ERCC8: variants seen among roughly 807,000 people sequenced by gnomAD.
ERCC8 encodes DNA excision repair protein ERCC-8.
ERCC8 carries 52 observed loss-of-function variants against 54.9 expected under a neutral mutation model. The ratio of observed to expected loss-of-function variants is 0.95; its 90% CI spans 0.76 to 1.19. The LOEUF is 1.19. Ranked by LOEUF, ERCC8 falls within the 50% of genes most tolerant of loss-of-function variation. ERCC8 has a pLI of 0.00. For synonymous variants in ERCC8, 146 were observed against 157.2 expected (o/e 0.93, Z 0.53); for missense variants, 514 against 466.1 (o/e 1.10, Z -0.95).
At chr5:60,901,110 C>A (rs1382327649) in intron 7 of ERCC8, among the ~76,000 whole-genome samples, 1 of 151,350 alleles carries the variant, frequency 6.6e-6, no homozygotes, top group Non-Finnish European at 1.5e-5. Flanking sequence ...GAATAGCTTT[C>A]GTAATAATTC....
chr5:60,933,146 T>G (rs1749958426), intron 1 of ERCC8, among the ~76,000 whole-genome samples: 1 of 152,012 alleles, frequency 6.6e-6, no homozygotes, highest in Admixed American at 6.5e-5. Flanking sequence ...TGTTTTAATG[T>G]TTTAAATGGC....
intron 1 of ERCC8, among the ~76,000 whole-genome samples, chr5:60,939,532 C>T (rs1033550428): frequency 7.9e-5 from 12 of 152,006 alleles, no homozygotes; most frequent in Non-Finnish European, 7.4e-5. Flanking sequence ...GAGTCTCGCT[C>T]TGTCACCCAG....
rs1396045489 is a variant in ERCC8 at position 60,870,828 on chromosome 5, C to T, written c.*3787G>A. 6.6e-6 allele frequency among the ~76,000 whole-genome samples: 1 copy of T among 151,850 alleles called. No individual in the cohort carries two copies. The highest frequency in any genetic ancestry group is 1.5e-5 in the Non-Finnish European group (1 of 67,974). ...GTTTGGACCTTCATTGAAAGAGCTC[C>T]CAAGAAGTCTAAGAAGTGACGGAAG... On this transcript the variant is annotated 3_prime_UTR_variant, in exon 12 of 12. Coordinates refer to ENST00000676185, the MANE Select transcript of ERCC8 (RefSeq NM_000082.4).
At position 60,890,960 on chromosome 5, in the gene ERCC8, C is replaced by G. The variant is rs771365290; in HGVS notation, c.970G>C (p.Gly324Arg). The G allele has an allele frequency of 6.2e-7, 1 of 1,613,480 alleles. No individual in the cohort carries two copies. The highest frequency in any genetic ancestry group is 8.5e-7 in the Non-Finnish European group (1 of 1,179,604). ...STIAVYTVYS[G>R]EQITMLKGHY... ...CCCTTAAGCATAGTTATCTGTTCTCCTGAGTAAACTGTATAAACAGCAATG... is the reference window on the plus strand; with the variant it reads ...CCCTTAAGCATAGTTATCTGTTCTCGTGAGTAAACTGTATAAACAGCAATG... The change falls in exon 10 of 12, where the codon GGA becomes CGA. Residue 324 changes from glycine to arginine, a missense_variant. By Grantham distance (125) the Gly-to-Arg change is moderately radical (BLOSUM62 -2). Transcript: ENST00000676185.
chr5:60,916,116 G>A (rs987473911), intron 4 of ERCC8, among the ~76,000 whole-genome samples: 3 of 151,888 alleles, frequency 2.0e-5, no homozygotes, highest in Non-Finnish European at 4.4e-5. Flanking sequence ...CTATGGTCTC[G>A]CATAGCTTGG....
Position 60,869,276 on chromosome 5 carries a change from TGA to T in ERCC8, c.*5337_*5338del, listed in dbSNP as rs982041178. Among the ~76,000 whole-genome samples, 107 of 152,312 alleles carry T rather than the reference TGA, an allele frequency of 7.0e-4. No individual in the cohort carries two copies. The highest frequency in any genetic ancestry group is 2.5e-3 in the African/African-American group (102 of 41,578). On this transcript the variant is annotated 3_prime_UTR_variant, in exon 12 of 12. Transcript: ENST00000676185. ...GTAGCCCTTATTTAAGTACCTAATT[TGA>T]GGTTTTCCTTTCCATTGTGAAATAG...
chr5:60,902,009 A>G (rs1748917223), intron 7 of ERCC8, among the ~76,000 whole-genome samples: 1 of 152,014 alleles, frequency 6.6e-6, no homozygotes, highest in Non-Finnish European at 1.5e-5. Context: ...TTGGTTTTTC[A>G]AAGCCTTGGT....
rs1014527159 is a variant in ERCC8 at position 60,868,668 on chromosome 5, A to G, written c.*5947T>C. On this transcript the variant is annotated 3_prime_UTR_variant, in exon 12 of 12. Transcript: ENST00000676185. ...AAGATAGAAAAATTTGTATTATAAT[A>G]AATGATTTGTAATAATTCTAAGCAC... Among the ~76,000 whole-genome samples, 1 of 152,220 alleles carries G rather than the reference A, an allele frequency of 6.6e-6. No homozygotes were observed. The highest frequency in any genetic ancestry group is 1.5e-5 in the Non-Finnish European group (1 of 68,036).
chr5:60,887,964 T>C (rs887430954), intron 10 of ERCC8, among the ~76,000 whole-genome samples: 6 of 152,232 alleles, frequency 3.9e-5, no homozygotes, highest in Admixed American at 3.9e-4. Context: ...CTGGCTGCAA[T>C]TCAACAGAAG....
At chr5:60,876,645 T>G (rs1316759170) in intron 11 of ERCC8, among the ~76,000 whole-genome samples, 1 of 152,242 alleles carries the variant, frequency 6.6e-6, no homozygotes, top group Non-Finnish European at 1.5e-5. Flanking sequence ...GATGAGCATT[T>G]TTTCATGTGT....
At chr5:60,909,090 GT>G (rs1749167938) in intron 4 of ERCC8, among the ~76,000 whole-genome samples, 1 of 151,850 alleles carries the variant, frequency 6.6e-6, no homozygotes, top group African/African-American at 2.4e-5. Flanking sequence ...TTTTTGGAAA[GT>G]TTTGGCTTTA....
chr5:60,919,774 G>T (rs1306523332), intron 3 of ERCC8, among the ~76,000 whole-genome samples: 1 of 151,796 alleles, frequency 6.6e-6, no homozygotes, highest in Non-Finnish European at 1.5e-5. Context: ...AATCAACTTA[G>T]GATCATCACC....
intron 10 of ERCC8, among the ~76,000 whole-genome samples, chr5:60,889,716 A>T (rs1281294580): frequency 1.3e-5 from 2 of 152,238 alleles, no homozygotes; most frequent in African/African-American, 2.4e-5. Flanking sequence ...GTCTCTAAGT[A>T]ACTTTGCAAA....
intron 2 of ERCC8, among the ~76,000 whole-genome samples, chr5:60,925,297 G>A (rs1580033788): frequency 6.6e-6 from 1 of 151,882 alleles, no homozygotes; most frequent in East Asian, 1.9e-4. Flanking sequence ...ATTTTATCGG[G>A]GACATCTTTT....
chr5:60,941,826 TAA>T (rs1750265710), intron 1 of ERCC8, among the ~76,000 whole-genome samples: 1 of 152,126 alleles, frequency 6.6e-6, no homozygotes, highest in African/African-American at 2.4e-5. Flanking sequence ...GCATCAGGAA[TAA>T]AGAGACAGCA....
chr5:60,877,161 G>T (rs1188385461), intron 11 of ERCC8, among the ~76,000 whole-genome samples: 1 of 152,084 alleles, frequency 6.6e-6, no homozygotes, highest in Non-Finnish European at 1.5e-5. Flanking sequence ...TCTTGTTTTT[G>T]TCAAGTTTGT....
chr5:60,941,690 A>T (rs532651234), intron 1 of ERCC8, among the ~76,000 whole-genome samples: 1 of 152,190 alleles, frequency 6.6e-6, no homozygotes, highest in Non-Finnish European at 1.5e-5. Context: ...ATGATAAATT[A>T]CCTATAGGAA....
rs757535592 is a variant in ERCC8, at chr5:60,945,030, G to C, written c.-22C>G. On this transcript the variant is annotated 5_prime_UTR_variant, in exon 1 of 12. Coordinates refer to ENST00000676185, the MANE Select transcript of ERCC8 (RefSeq NM_000082.4). ...GCATATCGTGTCCTCACACCGGCTG[G>C]AGCACTGGACGTCGCCATGACAGAG... is the stretch of plus-strand genomic sequence containing the variant. 7 of 1,607,528 alleles carry C rather than the reference G, an allele frequency of 4.4e-6. No homozygotes were observed. The highest frequency in any genetic ancestry group is 4.3e-6 in the Non-Finnish European group (5 of 1,173,978).
chr5:60,915,000 G>C (rs1749389685), intron 4 of ERCC8, among the ~76,000 whole-genome samples: 1 of 151,630 alleles, frequency 6.6e-6, no homozygotes, highest in Admixed American at 6.6e-5. Flanking sequence ...AGTTGATTTA[G>C]GATTTTTGTT....
Sources: gnomAD v4.1 joint callset for allele counts (sites outside exome capture counted in the v4.1 genomes callset) on GRCh38, gnomAD v4.1.1 for gene constraint, MANE v1.5 for transcripts, NCBI Gene and HGNC (gene_info 2026-07-23, HGNC 2026-07-21) for gene names.